Variants in MSRA observed in about 807,000 individuals in gnomAD.
MSRA encodes methionine sulfoxide reductase A, also known as mitochondrial peptide methionine sulfoxide reductase.
Under a neutral mutation model 31.3 loss-of-function variants are expected in MSRA, and 54 were observed. The ratio of observed to expected loss-of-function variants is 1.73; its 90% confidence interval spans 1.39 to 2.17. The LOEUF (loss-of-function observed/expected upper bound fraction) is 2.17, where lower values mean the gene tolerates loss of function less well. Among genes scored for constraint, MSRA ranks in the 30% most tolerant of loss-of-function variants. MSRA has a pLI of 0.00. For synonymous variants in MSRA, 169 were observed against 116.5 expected, an observed-to-expected ratio of 1.45 and a Z score of -2.90; for missense variants, 507 against 300.9, an observed-to-expected ratio of 1.69 and a Z score of -5.07.
intron 5 of MSRA, among the ~76,000 whole-genome samples, chr8:10,344,864 C>T (rs1803671430): frequency 6.6e-6 from 1 of 152,152 alleles, no homozygotes; most frequent in Non-Finnish European, 1.5e-5. Context: ...GTGTCTATCA[C>T]AGCATAACAA....
chr8:10,101,424 A>G (rs1057084098), intron 1 of MSRA, among the ~76,000 whole-genome samples: 1 of 152,224 alleles, frequency 6.6e-6, no homozygotes, highest in African/African-American at 2.4e-5. Context: ...TTTAAGTGGT[A>G]TCAGGTACAT....
intron 5 of MSRA, among the ~76,000 whole-genome samples, chr8:10,389,599 C>A (rs1039536242): frequency 2.5e-4 from 38 of 152,202 alleles, no homozygotes; most frequent in African/African-American, 9.2e-4. Context: ...CATCTTTTCT[C>A]TTCTGCCCAC....
intron 1 of MSRA, 91 bp downstream of exon 1, chr8:10,054,749 C>A: frequency 3.8e-6 from 5 of 1,314,920 alleles, no homozygotes; most frequent in South Asian, 4.2e-5. Context: ...CGGAAGGAAG[C>A]CGTGGGCTGG....
intron 4 of MSRA, among the ~76,000 whole-genome samples, chr8:10,313,780 G>A (rs191147901): frequency 7.9e-5 from 12 of 152,272 alleles, no homozygotes; most frequent in African/African-American, 2.4e-4. Flanking sequence ...TCCAGATATC[G>A]AGTCATTATA....
intron 1 of MSRA, among the ~76,000 whole-genome samples, chr8:10,092,985 G>A (rs1024958790): frequency 6.6e-6 from 1 of 152,072 alleles, no homozygotes; most frequent in African/African-American, 2.4e-5. Flanking sequence ...TGTTTTGCTT[G>A]TTAGTATAAC....
chr8:10,070,707 C>T (rs1461677678), intron 1 of MSRA, among the ~76,000 whole-genome samples: 1 of 152,212 alleles, frequency 6.6e-6, no homozygotes, highest in Non-Finnish European at 1.5e-5. Context: ...TTCTCCATTG[C>T]TGTTATTTCA....
At chr8:10,399,377 GGTATA>G (rs1489268700) in intron 5 of MSRA, among the ~76,000 whole-genome samples, 1 of 152,194 alleles carries the variant, frequency 6.6e-6, no homozygotes, top group African/African-American at 2.4e-5. Flanking sequence ...CCTGGTGCCA[GGTATA>G]GGATCAGGGG....
intron 1 of MSRA, among the ~76,000 whole-genome samples, chr8:10,204,908 G>C (rs749417804): frequency 2.6e-5 from 4 of 152,220 alleles, no homozygotes; most frequent in Non-Finnish European, 4.4e-5. Context: ...TGAGCTTGCA[G>C]TCTACTGATA....
chr8:10,217,950 A>G (rs1563230621), intron 2 of MSRA, among the ~76,000 whole-genome samples: 1 of 151,986 alleles, frequency 6.6e-6, no homozygotes, highest in Non-Finnish European at 1.5e-5. Flanking sequence ...TATTTATTTA[A>G]GAAATTAAAT....
chr8:10,253,661 C>T (rs1798029552), intron 3 of MSRA, among the ~76,000 whole-genome samples: 1 of 152,068 alleles, frequency 6.6e-6, no homozygotes, highest in South Asian at 2.1e-4. Context: ...AACATAATTG[C>T]AAAAGCAGTT....
chr8:10,086,004 A>C (rs1180845023), intron 1 of MSRA, among the ~76,000 whole-genome samples: 1 of 152,190 alleles, frequency 6.6e-6, no homozygotes, highest in Non-Finnish European at 1.5e-5. Flanking sequence ...AGGTATTATG[A>C]ATAATTCTTC....
chr8:10,337,967 C>T (rs55768139), intron 5 of MSRA: 119,188 of 612,638 alleles, frequency 0.19, 12,723 homozygotes, highest in South Asian at 0.25. Context: ...CTGGGTGGCC[C>T]AGGAAAGCAG....
intron 1 of MSRA, among the ~76,000 whole-genome samples, chr8:10,120,129 C>A (rs1800999346): frequency 6.6e-6 from 1 of 152,070 alleles, no homozygotes; most frequent in African/African-American, 2.4e-5. Context: ...CCAACAGAAA[C>A]CAGAGTTCAA....
At chr8:10,293,775 C>T (rs1273411838) in intron 3 of MSRA, among the ~76,000 whole-genome samples, 2 of 152,124 alleles carry the variant, frequency 1.3e-5, no homozygotes, top group Non-Finnish European at 2.9e-5. Flanking sequence ...TCCTCCTTGC[C>T]CTCTGGGGCT....
rs376126015 is a variant in MSRA at position 10,122,348 on chromosome 8, A to C, written c.142+67690A>C. ...GCATACTTTGTGAGGATCAGCAGAA[A>C]GGAGCTGAGTGTGGAAGCTGTCCCC... On this transcript the variant is annotated intron_variant, in intron 1 of 5. Transcript: ENST00000317173. Among the ~76,000 whole-genome samples the C allele has an allele frequency of 6.6e-5, 10 of 152,200 alleles. No individual in the cohort carries two copies. The East Asian group carries it at 1.3e-3, about 21-fold the overall frequency.
At chr8:10,214,531 C>G (rs1337689047) in intron 2 of MSRA, among the ~76,000 whole-genome samples, 1 of 150,804 alleles carries the variant, frequency 6.6e-6, no homozygotes, top group Non-Finnish European at 1.5e-5. Context: ...ATAACCGAGT[C>G]CCGGTGTGGC....
intron 3 of MSRA, among the ~76,000 whole-genome samples, chr8:10,262,393 G>A (rs1798529856): frequency 6.6e-6 from 1 of 152,106 alleles, no homozygotes; most frequent in Non-Finnish European, 1.5e-5. Flanking sequence ...TGGTGTTGTT[G>A]GTGTTTTGGA....
rs145093574 is a variant in MSRA, at chr8:10,412,537, G to T, written c.544-15611G>T. Among the ~76,000 whole-genome samples the T allele has an allele frequency of 3.3e-5, 5 of 152,148 alleles. 1 individual carries two copies. Among genetic ancestry groups the T allele is most frequent in the African/African-American group, 1.2e-4 (5 of 41,416 alleles). ...AGCATACCAGAATCATGGGACAGGG[G>T]TTACGCGTTTGAAGCCAAAGCATAA... is the stretch of plus-strand genomic sequence containing the variant. On this transcript the variant is annotated intron_variant, in intron 5 of 5. Coordinates refer to ENST00000317173, the MANE Select transcript of MSRA (RefSeq NM_012331.5).
At chr8:10,301,661 A>G (rs774722312) in intron 4 of MSRA, 23 bp downstream of exon 4, 1 of 1,571,644 alleles carries the variant, frequency 6.4e-7, no homozygotes, top group South Asian at 1.1e-5. Context: ...GTGAGCCAGT[A>G]TTTAATTATC....
Sources: allele counts gnomAD v4.1 joint callset (sites outside exome capture counted in the v4.1 genomes callset), GRCh38; gene constraint gnomAD v4.1.1; transcripts MANE v1.5; gene names NCBI Gene and HGNC (gene_info 2026-07-23, HGNC 2026-07-21).